The following LRRC40 variants were observed in gnomAD, a reference collection of about 807,000 sequenced individuals.
The protein encoded by LRRC40 is leucine-rich repeat-containing protein 40.
A neutral mutation model predicts 72.8 loss-of-function variants in LRRC40; 76 were observed. The ratio of observed to expected loss-of-function variants is 1.04; its 90% CI spans 0.87 to 1.26. The LOEUF (loss-of-function observed/expected upper bound fraction) is 1.26, where lower values mean the gene tolerates loss of function less well. Among genes scored for constraint, LRRC40 ranks in the 50% most tolerant of loss-of-function variants. The probability of loss-of-function intolerance (pLI) is 0.00; values close to 1 mark genes in which losing one functional copy is unlikely to be tolerated. For missense variants in LRRC40, 684 were observed against 698.9 expected (o/e 0.98, Z 0.24); for synonymous variants, 243 against 254.2 (o/e 0.96, Z 0.42).
chr1:70,154,045 T>C (rs1667580016), intron 11 of LRRC40, among the ~76,000 whole-genome samples: 1 of 145,022 alleles, frequency 6.9e-6, no homozygotes, highest in African/African-American at 2.6e-5. Context: ...TGAAATAAAA[T>C]ATGCAGTATG....
At chr1:70,154,277 A>C (rs1428701547) in intron 11 of LRRC40, among the ~76,000 whole-genome samples, 1 of 152,112 alleles carries the variant, frequency 6.6e-6, no homozygotes, top group Non-Finnish European at 1.5e-5. Context: ...TGTCTTGATT[A>C]TTTTCTTGAC....
chr1:70,193,915 A>G (rs1262608108), intron 1 of LRRC40, among the ~76,000 whole-genome samples: 1 of 152,104 alleles, frequency 6.6e-6, no homozygotes, highest in Admixed American at 6.5e-5. Flanking sequence ...TCAGAAAACT[A>G]GGAATCAAAG....
At chr1:70,200,817 AAG>A (rs1412718495) in intron 1 of LRRC40, among the ~76,000 whole-genome samples, 2 of 152,202 alleles carry the variant, frequency 1.3e-5, no homozygotes, top group Non-Finnish European at 2.9e-5. Context: ...GAGAGAAAAA[AAG>A]AGAGCGTGCA....
At chr1:70,176,006 G>T in intron 6 of LRRC40, 24 bp from the exon 7 acceptor site, 1 of 1,429,216 alleles carries the variant, frequency 7.0e-7, no homozygotes, top group Non-Finnish European at 9.3e-7. Context: ...GATGAGTTAT[G>T]TGTATCTCTG....
At chr1:70,147,595 A>G (rs1667341040) in intron 14 of LRRC40, among the ~76,000 whole-genome samples, 1 of 152,200 alleles carries the variant, frequency 6.6e-6, no homozygotes. Flanking sequence ...TTCCCCCAGA[A>G]GCAATAGGTC....
At chr1:70,185,289 T>C (rs1475288617) in intron 3 of LRRC40, among the ~76,000 whole-genome samples, 3 of 152,252 alleles carry the variant, frequency 2.0e-5, no homozygotes, top group Non-Finnish European at 4.4e-5. Context: ...AAATTTCATC[T>C]TGAATTGTAC....
In LRRC40 at chr1:70,205,438, C is replaced by G; in HGVS notation, c.103G>C (p.Ala35Pro). The change falls in exon 1 of 15, where the codon GCG becomes CCG. Residue 35 changes from alanine to proline, a missense_variant. Transcript: ENST00000370952. ...TSVPQGLLKA[A>P]RKSGQLNLSG... ...AGGTTTAACTGGCCGCTCTTCCTCG[C>G]TGCCTTCAACAGCCCTTGGGGTACC... 1 of 1,605,036 alleles carries G rather than the reference C, an allele frequency of 6.2e-7. No individual in the cohort carries two copies. The highest frequency in any genetic ancestry group is 8.5e-7 in the Non-Finnish European group (1 of 1,172,862).
chr1:70,191,282 T>C (rs1400269539), intron 1 of LRRC40, among the ~76,000 whole-genome samples: 1 of 152,122 alleles, frequency 6.6e-6, no homozygotes, highest in African/African-American at 2.4e-5. Flanking sequence ...CATAGAACAT[T>C]TGTGCATGCA....
chr1:70,180,461 A>T (rs1036202268), intron 5 of LRRC40: 5 of 152,194 alleles, frequency 3.3e-5, no homozygotes, highest in Non-Finnish European at 5.9e-5. Context: ...TCTTTAAACA[A>T]ACAAACAAAA....
chr1:70,166,519 T>C (rs537762037), intron 9 of LRRC40, among the ~76,000 whole-genome samples: 2 of 152,158 alleles, frequency 1.3e-5, no homozygotes, highest in Admixed American at 1.3e-4. Context: ...TAGCCTGGTG[T>C]AGTGGTGCAC....
rs374316840 is a variant in LRRC40, at chr1:70,173,713, T to C, written c.978-4A>G. On this transcript the variant is annotated splice_polypyrimidine_tract_variant and splice_region_variant and intron_variant, in intron 7 of 14. Transcript: ENST00000370952. Reference sequence around the variant, plus strand: ...GTTCCCCAATGAATAGGGAAGACTATAAAAGATTAAATTGATTTCAGGGAA... The same window carrying C: ...GTTCCCCAATGAATAGGGAAGACTACAAAAGATTAAATTGATTTCAGGGAA... The C allele has an allele frequency of 4.6e-5, 64 of 1,403,654 alleles. No individual in the cohort carries two copies. In the African/African-American group the frequency reaches 8.5e-4, roughly 19 times the overall value. 86.9% of individuals were successfully genotyped at this position (1,403,654 alleles called of 1,614,324 possible).
Position 70,175,912 on chromosome 1 carries a change from A to C in LRRC40, c.875T>G (p.Leu292Arg). Residue 292 changes from leucine to arginine, a missense_variant, in exon 7 of 15, where the codon CTT becomes CGT. By Grantham distance (102) the Leu-to-Arg change is moderately radical. Transcript: ENST00000370952. ...AEHLKHLNSILVLDLRDNKLK... is the reference protein window; with the variant it reads ...AEHLKHLNSIRVLDLRDNKLK... Reference sequence around the variant, plus strand: ...CTTGTTATCCCTCAGGTCTAGCACAAGAATTGAATTCAGATGTTTAAGATG... The same window carrying C: ...CTTGTTATCCCTCAGGTCTAGCACACGAATTGAATTCAGATGTTTAAGATG... 6.2e-7 allele frequency: 1 copy of C among 1,602,146 alleles called. No individual in the cohort carries two copies. The highest frequency in any genetic ancestry group is 8.5e-7 in the Non-Finnish European group (1 of 1,176,192).
chr1:70,171,130 T>C (rs192779706), intron 9 of LRRC40, among the ~76,000 whole-genome samples: 5 of 152,178 alleles, frequency 3.3e-5, no homozygotes, highest in African/African-American at 1.2e-4. Context: ...CAACAAATGG[T>C]GCTGAGAAAC....
intron 2 of LRRC40, among the ~76,000 whole-genome samples, chr1:70,188,649 T>C (rs1465237442): frequency 1.3e-5 from 2 of 152,052 alleles, no homozygotes; most frequent in African/African-American, 2.4e-5. Context: ...GGCAGGAGAA[T>C]TGCTGGAGTC....
rs1033184734 is a variant in LRRC40 at position 70,181,156 on chromosome 1, G to A, written c.591C>T (p.Ser197=). 3.8e-6 allele frequency: 6 copies of A among 1,595,662 alleles called. No homozygotes were observed. In the African/African-American group the frequency reaches 8.1e-5, roughly 22 times the overall value. The change falls in exon 5 of 15, where the codon TCC becomes TCT. Residue 197 remains serine (S), a synonymous_variant. Transcript: ENST00000370952. ...TAGAAAGATTGAGTCGCACCAGACT[G>A]GACAGAGAAGAAAAACTAGCAGGAA... ...TTVPASFSSL[S]SLVRLNLSSN... is the part of the protein sequence containing the mutation.
Position 70,155,753 on chromosome 1 carries a change from C to T in LRRC40, c.1264G>A (p.Val422Ile), listed in dbSNP as rs1309840558. ...ATAGAAGTGACGATGTTGCTTTTTA[C>T]TGCATCAAACACCTCATCAGGAATC... Reference protein sequence around the residue: ...TLIPDEVFDAVKSNIVTSINF... With the variant: ...TLIPDEVFDAIKSNIVTSINF... Residue 422 changes from valine (V) to isoleucine (I), a missense_variant, in exon 11 of 15, where the codon GTA (valine) becomes ATA (isoleucine). Physicochemically the swap from Val to Ile is conservative, Grantham distance 29 (BLOSUM62 3). Coordinates refer to ENST00000370952, the MANE Select transcript of LRRC40 (RefSeq NM_017768.5). 4 of 1,578,908 alleles carry T rather than the reference C, an allele frequency of 2.5e-6. No homozygotes were observed. The African/African-American group carries it at 4.0e-5, about 16-fold the overall frequency.
rs78425699 is a variant in LRRC40, at chr1:70,183,872, A to T, written c.537+913T>A. 3.6e-3 allele frequency among the ~76,000 whole-genome samples: 549 copies of T among 152,260 alleles called. 7 individuals are homozygous for T. The highest frequency in any genetic ancestry group is 0.013 in the African/African-American group (527 of 41,566). On this transcript the variant is annotated intron_variant, in intron 4 of 14. Coordinates refer to ENST00000370952, the MANE Select transcript of LRRC40 (RefSeq NM_017768.5). ...CCTAGCTCCAAATTTCCTTTTTATCAGCTTTACTTTCTTATTGTATTAGGG... is the reference window on the plus strand; with the variant it reads ...CCTAGCTCCAAATTTCCTTTTTATCTGCTTTACTTTCTTATTGTATTAGGG...
intron 12 of LRRC40, 93 bp downstream of exon 12, chr1:70,152,340 C>G (rs1027684786): frequency 7.4e-6 from 5 of 672,960 alleles, no homozygotes; most frequent in Non-Finnish European, 1.3e-5. Context: ...CCATACATAC[C>G]TAGGAAAATA....
chr1:70,156,500 A>T (rs1053680320), intron 10 of LRRC40, among the ~76,000 whole-genome samples: 3 of 152,174 alleles, frequency 2.0e-5, no homozygotes, highest in Non-Finnish European at 4.4e-5. Flanking sequence ...TCAAATGTAA[A>T]TATAAATAAA....
Sources: allele counts gnomAD v4.1 joint callset (sites outside exome capture counted in the v4.1 genomes callset), GRCh38; gene constraint gnomAD v4.1.1; transcripts MANE v1.5; gene names NCBI Gene and HGNC (gene_info 2026-07-23, HGNC 2026-07-21).